The following ICA1 variants were observed in gnomAD, a reference collection of about 807,000 sequenced individuals.
ICA1 encodes the protein islet cell autoantigen 1.
In ICA1, 40 loss-of-function variants were observed where a neutral mutation model predicts 71.0. The observed-to-expected ratio is 0.56, with a 90% confidence interval of 0.44 to 0.73. The LOEUF (loss-of-function observed/expected upper bound fraction) is 0.73, where lower values mean the gene tolerates loss of function less well. ICA1 is among the 30% of genes least tolerant of loss of function. ICA1 has a pLI of 0.00. For missense variants in ICA1, 578 were observed against 576.5 expected, an observed-to-expected ratio of 1.00 and a Z score of -0.03; for synonymous variants, 207 against 209.5, an observed-to-expected ratio of 0.99 and a Z score of 0.10.
chr7:8,117,935 A>G (rs905535877), intron 13 of ICA1, among the ~76,000 whole-genome samples: 1 of 152,208 alleles, frequency 6.6e-6, no homozygotes, highest in Non-Finnish European at 1.5e-5. Context: ...TTACACTTTC[A>G]TCTCATTTCC....
intron 8 of ICA1, among the ~76,000 whole-genome samples, chr7:8,155,023 A>AT (rs1484169439): frequency 4.6e-5 from 7 of 152,308 alleles, no homozygotes; most frequent in Non-Finnish European, 8.8e-5. Context: ...CAACCTGATA[A>AT]TTATCTATCA....
At chr7:8,221,061 AT>A (rs970359292) in intron 5 of ICA1, among the ~76,000 whole-genome samples, 3 of 152,110 alleles carry the variant, frequency 2.0e-5, no homozygotes, top group Admixed American at 6.5e-5. Flanking sequence ...ATGAAAAAAA[AT>A]TTTTTTTAAT....
chr7:8,114,861 T>G (rs1168514148), intron 13 of ICA1: 2 of 152,250 alleles, frequency 1.3e-5, no homozygotes, highest in African/African-American at 4.8e-5. Flanking sequence ...GACCTGTGTT[T>G]TTTTCTTCTC....
chr7:8,119,723 G>A (rs1202571016), intron 13 of ICA1, among the ~76,000 whole-genome samples: 1 of 152,160 alleles, frequency 6.6e-6, no homozygotes, highest in Non-Finnish European at 1.5e-5. Context: ...GCGGGCACCT[G>A]TAATCCTAGC....
chr7:8,139,177 G>A lies in ICA1; in HGVS notation c.956-130C>T, dbSNP rs550086012. 28 of 681,150 alleles carry A rather than the reference G, an allele frequency of 4.1e-5. No homozygotes were observed. The African/African-American group carries it at 4.8e-4, about 12-fold the overall frequency. 42.2% of individuals were successfully genotyped at this position (681,150 alleles called of 1,614,324 possible). On this transcript the variant is annotated intron_variant, in intron 10 of 13. Coordinates refer to ENST00000402384, the MANE Select transcript of ICA1 (RefSeq NM_001136020.3). ...ATCCACAAACTCAGCCAGAAGCAAG[G>A]GTCCTCAGATTACACTGGACTCCTG...
At chr7:8,183,627 A>C (rs965211957) in intron 6 of ICA1, among the ~76,000 whole-genome samples, 2 of 152,200 alleles carry the variant, frequency 1.3e-5, no homozygotes, top group Admixed American at 6.5e-5. Context: ...CAAGTTATTT[A>C]ACCTTTCTGA....
intron 6 of ICA1, among the ~76,000 whole-genome samples, chr7:8,197,551 A>C (rs1788099135): frequency 7.4e-6 from 1 of 135,004 alleles, no homozygotes. Context: ...GTCTCAGAAA[A>C]AAAAAAAAAA....
At chr7:8,212,127 T>G (rs988436799) in intron 6 of ICA1, among the ~76,000 whole-genome samples, 13 of 152,164 alleles carry the variant, frequency 8.5e-5, no homozygotes, top group Admixed American at 8.5e-4. Flanking sequence ...AGGCTAAGAT[T>G]AGAGCAACAG....
Position 8,222,989 on chromosome 7 carries a change from G to C in ICA1, c.257-1591C>G, listed in dbSNP as rs1383895461. ...TAATTAAATGCTTGTGAATTGAATT[G>C]ACTACAATTTTGCCTTGTTATCCTC... On this transcript the variant is annotated intron_variant, in intron 4 of 13. Transcript: ENST00000402384. The surrounding 1 kb of genome is among the most constrained non-coding windows in gnomAD (Gnocchi z 4.8). Among the ~76,000 whole-genome samples, 2 of 152,144 alleles carry C rather than the reference G, an allele frequency of 1.3e-5. No individual in the cohort carries two copies. Among genetic ancestry groups the C allele is most frequent in the Admixed American group, 6.5e-5 (1 of 15,270 alleles).
chr7:8,138,217 G>C (rs1794060516), intron 12 of ICA1, among the ~76,000 whole-genome samples: 1 of 152,188 alleles, frequency 6.6e-6, no homozygotes, highest in African/African-American at 2.4e-5. Context: ...TTTCATAAGT[G>C]ATTTTAGGTT....
rs71014764 is a variant in ICA1, at chr7:8,147,687, AACACACACACACAC to A, written c.805-3729_805-3716del. On this transcript the variant is annotated intron_variant, in intron 8 of 13. Coordinates refer to ENST00000402384, the MANE Select transcript of ICA1 (RefSeq NM_001136020.3). ...AATATTAGAATTTTGAGCCAAGGGG[AACACACACACACAC>A]ACACACACACACACACACACACACA... 2.2e-4 allele frequency among the ~76,000 whole-genome samples: 32 copies of A among 145,408 alleles called. No individual in the cohort carries two copies. The South Asian group carries it at 4.0e-3, about 18-fold the overall frequency.
chr7:8,139,310 C>T (rs1794441245), intron 10 of ICA1, among the ~76,000 whole-genome samples: 1 of 152,176 alleles, frequency 6.6e-6, no homozygotes, highest in South Asian at 2.1e-4. Context: ...CTTCCATGGA[C>T]AAGTGTGTGA....
intron 6 of ICA1, among the ~76,000 whole-genome samples, chr7:8,185,305 T>C (rs1459595648): frequency 6.6e-5 from 10 of 152,178 alleles, no homozygotes; most frequent in African/African-American, 2.4e-4. Context: ...TATGAAACTT[T>C]AAACCAAGTG....
intron 8 of ICA1, among the ~76,000 whole-genome samples, chr7:8,154,996 C>T (rs1044416806): frequency 1.9e-4 from 29 of 152,052 alleles, no homozygotes; most frequent in Admixed American, 1.1e-3. Context: ...TGGAAAAACC[C>T]GTAATTACTT....
chr7:8,214,566 A>C (rs1014274828), intron 6 of ICA1, among the ~76,000 whole-genome samples: 11 of 152,188 alleles, frequency 7.2e-5, no homozygotes, highest in African/African-American at 2.7e-4. Flanking sequence ...CCTCATGGTC[A>C]TATTGACAAG....
At position 8,132,036 on chromosome 7, in the gene ICA1, C is replaced by A. The variant is rs79525747; in HGVS notation, c.1061-3894G>T. Among the ~76,000 whole-genome samples the A allele has an allele frequency of 0.012, 1,763 of 152,300 alleles. 19 individuals carry two copies. The highest frequency in any genetic ancestry group is 0.038 in the African/African-American group (1,578 of 41,550). Reference sequence around the variant, plus strand: ...AGGTGCCAAACCCACAGATGCTACACCAAGTTCCCTTCACTCTCTTGCAGG... The same window carrying A: ...AGGTGCCAAACCCACAGATGCTACAACAAGTTCCCTTCACTCTCTTGCAGG... On this transcript the variant is annotated intron_variant, in intron 12 of 13. Coordinates refer to ENST00000402384, the MANE Select transcript of ICA1 (RefSeq NM_001136020.3). This position sits in a 1 kb window ranked among gnomAD's most constrained non-coding sequence, Gnocchi z 4.5.
intron 1 of ICA1, among the ~76,000 whole-genome samples, chr7:8,248,029 G>C (rs1404779412): frequency 1.3e-5 from 2 of 152,188 alleles, no homozygotes; most frequent in African/African-American, 4.8e-5. Context: ...AGAAATGTGT[G>C]CCTCCTCGTC....
At chr7:8,164,715 A>G (rs1584785916) in intron 6 of ICA1, among the ~76,000 whole-genome samples, 1 of 152,224 alleles carries the variant, frequency 6.6e-6, no homozygotes. Context: ...TATATCAATT[A>G]CTTCTTTTGG....
chr7:8,179,941 T>C (rs776146349), intron 6 of ICA1, among the ~76,000 whole-genome samples: 4 of 152,186 alleles, frequency 2.6e-5, no homozygotes, highest in Non-Finnish European at 5.9e-5. Context: ...CTTTATTCTA[T>C]GCTTTTTTTC....
Sources: gnomAD v4.1 joint callset for allele counts (sites outside exome capture counted in the v4.1 genomes callset) on GRCh38, gnomAD v4.1.1 for gene constraint, Gnocchi (gnomAD v3.1) non-coding constraint, MANE v1.5 for transcripts, NCBI Gene and HGNC (gene_info 2026-07-23, HGNC 2026-07-21) for gene names.